Variants in ROS1 observed in about 807,000 individuals in gnomAD.
The protein encoded by ROS1 is proto-oncogene tyrosine-protein kinase ROS.
Under a neutral mutation model 273.5 loss-of-function variants are expected in ROS1, and 263 were observed. The observed-to-expected ratio is 0.96, with a 90% confidence interval of 0.87 to 1.06. The LOEUF is 1.06. ROS1 is among the 50% of genes least tolerant of loss of function. The pLI is 0.00. For missense variants in ROS1, 2,833 were observed against 2,751.1 expected, an observed-to-expected ratio of 1.03 and a Z score of -0.67; for synonymous variants, 1,008 against 954.1, an observed-to-expected ratio of 1.06 and a Z score of -1.04.
rs1360437041 is a variant in ROS1 at position 117,341,206 on chromosome 6, T to C, written c.4990A>G (p.Thr1664Ala). The C allele has an allele frequency of 1.2e-6, 2 of 1,613,572 alleles. No homozygotes were observed. Among genetic ancestry groups the C allele is most frequent in the Non-Finnish European group, 1.7e-6 (2 of 1,179,606 alleles). The change falls in exon 31 of 44, where the codon ACT (threonine) becomes GCT (alanine). Residue 1664 changes from threonine to alanine, a missense_variant. Physicochemically the swap from Thr to Ala is moderately conservative, Grantham distance 58. Transcript: ENST00000368507. ...GCCTTCCAATTAAATTGCAAACTAG[T>C]GTTCTCTGGAACCAAGGAATAAGGT... Reference protein sequence around the residue: ...EKPYSLVPENTSLQFNWKAPL... With the variant: ...EKPYSLVPENASLQFNWKAPL...
At chr6:117,344,021 A>G in intron 28 of ROS1, 39 bp downstream of exon 28, 1 of 1,516,012 alleles carries the variant, frequency 6.6e-7, no homozygotes, top group Non-Finnish European at 9.2e-7. Context: ...AAAAAAGAAC[A>G]TCTTGTGAAA....
At chr6:117,349,388 T>C (rs1351928659) in intron 27 of ROS1, among the ~76,000 whole-genome samples, 2 of 152,032 alleles carry the variant, frequency 1.3e-5, no homozygotes, top group Non-Finnish European at 2.9e-5. Context: ...TTGTTTCTTC[T>C]TTCATTTGAT....
At chr6:117,394,852 T>C in intron 9 of ROS1, 114 bp from the exon 10 acceptor site, 1 of 888,940 alleles carries the variant, frequency 1.1e-6, no homozygotes, top group Non-Finnish European at 1.6e-6. Flanking sequence ...TGAAAGAGGC[T>C]GGTCAAATTT....
chr6:117,357,631 G>T (rs557329919), intron 25 of ROS1, among the ~76,000 whole-genome samples, 173 bp downstream of exon 25: 9 of 152,296 alleles, frequency 5.9e-5, no homozygotes, highest in Non-Finnish European at 1.3e-4. Context: ...TTACATATTT[G>T]TAGTTGTGCC....
chr6:117,357,488 C>G (rs1779419737), intron 25 of ROS1, among the ~76,000 whole-genome samples: 1 of 152,230 alleles, frequency 6.6e-6, no homozygotes, highest in Admixed American at 6.5e-5. Flanking sequence ...TCACCTCTTG[C>G]CACTGTCTCA....
intron 25 of ROS1, among the ~76,000 whole-genome samples, 179 bp downstream of exon 25, chr6:117,357,625 A>T (rs1012136314): frequency 6.6e-6 from 1 of 152,232 alleles, no homozygotes; most frequent in Non-Finnish European, 1.5e-5. Context: ...TTAAGTTTAC[A>T]TATTTGTAGT....
chr6:117,382,960 C>T (rs1199202069), intron 17 of ROS1, among the ~76,000 whole-genome samples: 2 of 152,074 alleles, frequency 1.3e-5, no homozygotes, highest in Non-Finnish European at 2.9e-5. Context: ...TGCCTAGTCA[C>T]CACCTGATTC....
chr6:117,352,901 A>G, intron 27 of ROS1, 89 bp downstream of exon 27: 5 of 1,229,564 alleles, frequency 4.1e-6, no homozygotes, highest in Non-Finnish European at 5.8e-6. Flanking sequence ...CAAAGGGGCT[A>G]AAGGGACAGC....
chr6:117,288,475 T>G lies in ROS1; in HGVS notation c.*17A>C. The G allele has an allele frequency of 6.3e-7, 1 of 1,590,496 alleles. No homozygotes were observed. The highest frequency in any genetic ancestry group is 8.6e-7 in the Non-Finnish European group (1 of 1,169,362). ...TGAGAGTGTTTATCTCAACTCTCTA[T>G]TTCCCAAACAACGCTATTAATCAGA... On this transcript the variant is annotated 3_prime_UTR_variant, in exon 44 of 44. Transcript: ENST00000368507.
At chr6:117,337,121 A>C (rs555451202) in intron 32 of ROS1, 51 bp downstream of exon 32, 1 of 1,435,242 alleles carries the variant, frequency 7.0e-7, no homozygotes, top group South Asian at 1.3e-5. Context: ...AAGTGATAAG[A>C]AAAAAACTGA....
Position 117,396,190 on chromosome 6 carries a change from G to A in ROS1, c.881C>T (p.Ala294Val), listed in dbSNP as rs1773471237. Reference protein sequence around the residue: ...AESSITTSSSAVQQEEQWLFL... With the variant: ...AESSITTSSSVVQQEEQWLFL... ...AAAGGAAGAAGCCTGACCCATACCT[G>A]CTGAAGATGAAGTGGTAATACTAGA... Residue 294 changes from alanine to valine, a missense_variant and splice_region_variant, in exon 9 of 44, where the codon GCA becomes GTA. Ala to Val is a moderately conservative substitution (Grantham distance 64). Coordinates refer to ENST00000368507, the MANE Select transcript of ROS1 (RefSeq NM_001378902.1). The A allele has an allele frequency of 1.2e-6, 2 of 1,612,154 alleles. No homozygotes were observed. The highest frequency in any genetic ancestry group is 2.7e-5 in the African/African-American group (2 of 74,856).
chr6:117,288,667 C>A lies in ROS1; in HGVS notation c.6851G>T (p.Gly2284Val), dbSNP rs200558565. ...ECGQGEEKSE[G>V]PLGSQESESC... The stretch of plus-strand genomic sequence containing the variant: ...TTCAGATTCCTGGGAGCCTAGAGGA[C>A]CCTCAGACTTTTCTTCACCTTGGCC... The change falls in exon 44 of 44, where the codon GGT (glycine) becomes GTT (valine). Residue 2284 changes from glycine to valine, a missense_variant. By Grantham distance (109) the Gly-to-Val change is moderately radical. Coordinates refer to ENST00000368507, the MANE Select transcript of ROS1 (RefSeq NM_001378902.1). The A allele has an allele frequency of 1.2e-6, 2 of 1,613,976 alleles. No individual in the cohort carries two copies. Among genetic ancestry groups the A allele is most frequent in the African/African-American group, 1.3e-5 (1 of 74,896 alleles).
In ROS1 at chr6:117,301,123, G is replaced by A; in HGVS notation, c.6566C>T (p.Thr2189Ile). 1 of 1,586,258 alleles carries A rather than the reference G, an allele frequency of 6.3e-7. No individual in the cohort carries two copies. Among genetic ancestry groups the A allele is most frequent in the Non-Finnish European group, 8.5e-7 (1 of 1,170,754 alleles). The change falls in exon 43 of 44, where the codon ACC becomes ATC. Residue 2189 changes from threonine to isoleucine, a missense_variant. Physicochemically the swap from Thr to Ile is moderately conservative, Grantham distance 89. Coordinates refer to ENST00000368507, the MANE Select transcript of ROS1 (RefSeq NM_001378902.1). ...GTCGGGTTCTTGAGCCCAGCACTGG[G>A]TCATTAAATTCCACCTAAATATATG... ...NCPDDLWNLM[T>I]QCWAQEPDQR...
In ROS1 at chr6:117,362,609, G is replaced by C; in HGVS notation, c.3360C>G (p.Ala1120=). ...LEGMSPRCFI[A]FQVRAFTSKG... ...TCTGTTTTCTCTCTCATACCTGGAA[G>C]GCAATAAAGCATCTGGGACTCATGC... is the stretch of plus-strand genomic sequence containing the variant. Residue 1120 remains alanine (A), a synonymous_variant, in exon 22 of 44, where the codon GCC becomes GCG. Coordinates refer to ENST00000368507, the MANE Select transcript of ROS1 (RefSeq NM_001378902.1). 6.2e-7 allele frequency: 1 copy of C among 1,612,098 alleles called. No individual in the cohort carries two copies. Among genetic ancestry groups the C allele is most frequent in the South Asian group, 1.1e-5 (1 of 90,648 alleles).
intron 39 of ROS1, among the ~76,000 whole-genome samples, chr6:117,312,594 C>T (rs906411316): frequency 6.6e-6 from 1 of 152,070 alleles, no homozygotes; most frequent in African/African-American, 2.4e-5. Context: ...TTCTCTAGGC[C>T]TAGGATCCTA....
At chr6:117,316,422 A>G (rs1286035713) in intron 39 of ROS1, among the ~76,000 whole-genome samples, 2 of 143,822 alleles carry the variant, frequency 1.4e-5, no homozygotes, top group Non-Finnish European at 3.1e-5. Context: ...TTTTTAATCC[A>G]CCAGATTTAA....
At chr6:117,314,365 CA>C (rs1454083233) in intron 39 of ROS1, among the ~76,000 whole-genome samples, 1 of 152,020 alleles carries the variant, frequency 6.6e-6, no homozygotes, top group Non-Finnish European at 1.5e-5. Flanking sequence ...TGACTGCCTA[CA>C]GAAAGAAAAG....
chr6:117,328,792 A>C (rs780908396), intron 33 of ROS1: 1 of 613,642 alleles, frequency 1.6e-6, no homozygotes, highest in Admixed American at 1.8e-5. Flanking sequence ...GCTGGTTTTC[A>C]TCGACGGTGT....
intron 18 of ROS1, among the ~76,000 whole-genome samples, chr6:117,371,176 G>T (rs1445431794): frequency 6.6e-6 from 1 of 152,126 alleles, no homozygotes; most frequent in East Asian, 1.9e-4. Context: ...GAACATACCA[G>T]GAAAGCCGAG....
Sources: gnomAD v4.1 joint callset for allele counts (sites outside exome capture counted in the v4.1 genomes callset) on GRCh38, gnomAD v4.1.1 for gene constraint, MANE v1.5 for transcripts, NCBI Gene and HGNC (gene_info 2026-07-23, HGNC 2026-07-21) for gene names.